The following NARS2 variants were observed in gnomAD, a reference collection of about 807,000 sequenced individuals.
NARS2 encodes asparaginyl-tRNA synthetase 2, mitochondrial, also known as asparaginyl-tRNA synthetase.
Under a neutral mutation model 62.9 loss-of-function variants are expected in NARS2, and 60 were observed. The observed-to-expected ratio is 0.95, with a 90% CI of 0.77 to 1.18. The LOEUF is 1.18. Among genes scored for constraint, NARS2 ranks in the 50% most tolerant of loss-of-function variants. The probability of loss-of-function intolerance (pLI) is 0.00; values close to 1 mark genes in which losing one functional copy is unlikely to be tolerated. For missense variants in NARS2, 619 were observed against 576.4 expected (o/e 1.07, Z -0.76); for synonymous variants, 196 against 200.0 (o/e 0.98, Z 0.17).
intron 5 of NARS2, among the ~76,000 whole-genome samples, chr11:78,553,380 C>T (rs1322559074): frequency 3.9e-5 from 6 of 152,090 alleles, no homozygotes; most frequent in Non-Finnish European, 1.5e-5. Flanking sequence ...CCTGCACCTC[C>T]CGGGTTCAAG....
rs761502499 is a variant in NARS2, at chr11:78,512,971, C to T, written c.689+15871G>A. On this transcript the variant is annotated intron_variant, in intron 6 of 13. Transcript: ENST00000281038. The stretch of plus-strand genomic sequence containing the variant: ...GTTATATTAAAATGTACAATTAGGC[C>T]GAGCACAGTGGCTCACATCTGAAAT... Among the ~76,000 whole-genome samples, 4 of 152,118 alleles carry T rather than the reference C, an allele frequency of 2.6e-5. 1 individual carries two copies. Among genetic ancestry groups the T allele is most frequent in the Non-Finnish European group, 5.9e-5 (4 of 68,034 alleles).
intron 6 of NARS2, among the ~76,000 whole-genome samples, chr11:78,497,599 C>T (rs935714061): frequency 1.3e-5 from 2 of 152,130 alleles, no homozygotes; most frequent in Non-Finnish European, 2.9e-5. Flanking sequence ...AAAGTTTTTG[C>T]CAAGTGCTTT....
intron 9 of NARS2, among the ~76,000 whole-genome samples, chr11:78,470,053 C>G (rs566982560): frequency 1.3e-5 from 2 of 151,972 alleles, no homozygotes; most frequent in African/African-American, 4.8e-5. Context: ...GTTCACAGAA[C>G]AAAAAGGGCA....
In NARS2 at chr11:78,440,491, G is replaced by A. The variant is rs750749765; in HGVS notation, c.1289+600C>T. ...AGTAATAAGAAGGGTCAGGATAATA[G>A]TACCTAATTCACAGGGTGGTAGGAT... is the stretch of plus-strand genomic sequence containing the variant. On this transcript the variant is annotated intron_variant, in intron 13 of 13. Coordinates refer to ENST00000281038, the MANE Select transcript of NARS2 (RefSeq NM_024678.6). Among the ~76,000 whole-genome samples, 35 of 152,060 alleles carry A rather than the reference G, an allele frequency of 2.3e-4. 1 individual carries two copies. Among genetic ancestry groups the A allele is most frequent in the Non-Finnish European group, 3.5e-4 (24 of 68,010 alleles).
At chr11:78,513,878 T>A (rs182607514) in intron 6 of NARS2, among the ~76,000 whole-genome samples, 2 of 152,102 alleles carry the variant, frequency 1.3e-5, no homozygotes, top group African/African-American at 2.4e-5. Flanking sequence ...GGATCCCTCA[T>A]GGTTTGATGC....
intron 12 of NARS2, 130 bp from the exon 13 acceptor site, chr11:78,441,247 T>A: frequency 2.8e-6 from 2 of 715,058 alleles, no homozygotes; most frequent in Admixed American, 2.6e-5. Flanking sequence ...TGCTCTCAAG[T>A]AATACTCAAT....
chr11:78,464,954 C>A (rs1858554800), intron 11 of NARS2, among the ~76,000 whole-genome samples: 1 of 152,258 alleles, frequency 6.6e-6, no homozygotes, highest in Non-Finnish European at 1.5e-5. Context: ...GCCTGCCAGT[C>A]CCGCGCCATG....
At chr11:78,547,076 A>T (rs1404244251) in intron 5 of NARS2, among the ~76,000 whole-genome samples, 1 of 152,204 alleles carries the variant, frequency 6.6e-6, no homozygotes. Flanking sequence ...CATGACTGTC[A>T]TCTCAGCACT....
chr11:78,537,327 A>T (rs926623840), intron 5 of NARS2, among the ~76,000 whole-genome samples: 4 of 152,222 alleles, frequency 2.6e-5, no homozygotes, highest in Admixed American at 1.3e-4. Flanking sequence ...CAAGAGGGAG[A>T]TAAAGTCCTC....
At chr11:78,530,863 AC>A in intron 5 of NARS2, among the ~76,000 whole-genome samples, 1 of 152,284 alleles carries the variant, frequency 6.6e-6, no homozygotes. Flanking sequence ...AAAACATACC[AC>A]TACTTCATTA....
chr11:78,507,992 GA>G (rs1367830515), intron 6 of NARS2, among the ~76,000 whole-genome samples: 1 of 152,044 alleles, frequency 6.6e-6, no homozygotes, highest in Admixed American at 6.5e-5. Flanking sequence ...AGAAGATGTG[GA>G]AAAAGTCAAG....
intron 5 of NARS2, among the ~76,000 whole-genome samples, chr11:78,558,980 CTT>C (rs1856464285): frequency 6.6e-6 from 1 of 152,036 alleles, no homozygotes; most frequent in South Asian, 2.1e-4. Context: ...TTCACAGTAA[CTT>C]AAGAAAAGTA....
intron 13 of NARS2, among the ~76,000 whole-genome samples, chr11:78,438,434 CA>C (rs1174647213): frequency 9.9e-5 from 15 of 152,088 alleles, no homozygotes; most frequent in African/African-American, 3.6e-4. Flanking sequence ...AACAGCACAC[CA>C]AACTACCTGT....
At chr11:78,521,705 G>T (rs1861129740) in intron 6 of NARS2, among the ~76,000 whole-genome samples, 1 of 149,544 alleles carries the variant, frequency 6.7e-6, no homozygotes, top group African/African-American at 2.5e-5. Flanking sequence ...CAGGAGAATG[G>T]CGTGAACCCG....
At chr11:78,461,095 G>C (rs562103107) in intron 11 of NARS2, among the ~76,000 whole-genome samples, 2 of 152,172 alleles carry the variant, frequency 1.3e-5, no homozygotes, top group East Asian at 1.9e-4. Flanking sequence ...CTATCTGAGA[G>C]GGGGCTAGTG....
Position 78,496,830 on chromosome 11 carries a change from G to A in NARS2, c.690-3635C>T, listed in dbSNP as rs1860077332. Among the ~76,000 whole-genome samples the A allele has an allele frequency of 3.9e-5, 6 of 152,104 alleles. No individual in the cohort carries two copies. In the South Asian group the frequency reaches 1.2e-3, roughly 32 times the overall value. ...AGGAGTAGGGGTTGGGGACAGCTTG[G>A]CATTGATCTCTACTGTCTTTTGCAA... On this transcript the variant is annotated intron_variant, in intron 6 of 13. Coordinates refer to ENST00000281038, the MANE Select transcript of NARS2 (RefSeq NM_024678.6).
At chr11:78,521,466 C>T (rs533851443) in intron 6 of NARS2, among the ~76,000 whole-genome samples, 3 of 152,252 alleles carry the variant, frequency 2.0e-5, no homozygotes, top group Admixed American at 1.3e-4. Context: ...AGCCACTGCG[C>T]CAGGCCTGTG....
chr11:78,535,103 G>A (rs1038270235), intron 5 of NARS2, among the ~76,000 whole-genome samples: 2 of 152,168 alleles, frequency 1.3e-5, no homozygotes, highest in African/African-American at 2.4e-5. Context: ...TTAATAAGTA[G>A]AACCAGTTAA....
chr11:78,535,721 G>C (rs6592789), intron 5 of NARS2, among the ~76,000 whole-genome samples: 121,612 of 151,664 alleles, frequency 0.8, 49,157 homozygotes, highest in African/African-American at 0.87. Context: ...CCTCTGCCCC[G>C]CCAGGTTCAA....
Sources: gnomAD v4.1 joint callset for allele counts (sites outside exome capture counted in the v4.1 genomes callset) on GRCh38, gnomAD v4.1.1 for gene constraint, MANE v1.5 for transcripts, NCBI Gene and HGNC (gene_info 2026-07-23, HGNC 2026-07-21) for gene names.